COL5A2: variants seen among roughly 807,000 people sequenced by gnomAD.
The protein encoded by COL5A2 is collagen type V alpha 2 chain.
COL5A2 carries 23 observed loss-of-function variants against 208.2 expected under a neutral mutation model. The observed-to-expected ratio is 0.11, with a 90% CI of 0.08 to 0.16. COL5A2 has a LOEUF of 0.16. Ranked by LOEUF, COL5A2 falls within the 10% of genes least tolerant of loss-of-function variation. The probability of loss-of-function intolerance (pLI) is 1.00; values close to 1 mark genes in which losing one functional copy is unlikely to be tolerated. For missense variants in COL5A2, 1,590 were observed against 1,956.4 expected, an observed-to-expected ratio of 0.81 and a Z score of 3.53; for synonymous variants, 625 against 628.5, an observed-to-expected ratio of 0.99 and a Z score of 0.08.
At position 189,098,660 on chromosome 2, in the gene COL5A2, A is replaced by G. The variant is rs375298903; in HGVS notation, c.402+67T>C. 53 of 1,168,434 alleles carry G rather than the reference A, an allele frequency of 4.5e-5. 1 individual carries two copies. Among genetic ancestry groups the G allele is most frequent in the Non-Finnish European group, 6.3e-5 (49 of 775,282 alleles). 72.4% of individuals were successfully genotyped at this position (1,168,434 alleles called of 1,614,324 possible). ...TCTTTTATCTTCTCATGGATATAAT[A>G]TCTGTAAAGATTTTCAGTATCTCAA... On this transcript the variant is annotated intron_variant, in intron 5 of 53. Coordinates refer to ENST00000374866, the MANE Select transcript of COL5A2 (RefSeq NM_000393.5).
At chr2:189,290,403 A>G in the COL5A2 span, among the ~76,000 whole-genome samples, 3 of 152,238 alleles carry the variant, frequency 2.0e-5, no homozygotes. Flanking sequence ...CTGAAAGGAA[A>G]CCAAGAGTGT....
At chr2:189,077,202 G>A (rs1686425492) in intron 16 of COL5A2, among the ~76,000 whole-genome samples, 1 of 152,098 alleles carries the variant, frequency 6.6e-6, no homozygotes, top group Non-Finnish European at 1.5e-5. Flanking sequence ...CCTCTAATTT[G>A]GAAGACAACT....
chr2:189,036,600 A>T lies in COL5A2; in HGVS notation c.4113+16T>A. The T allele has an allele frequency of 6.3e-7, 1 of 1,588,804 alleles. No individual in the cohort carries two copies. Among genetic ancestry groups the T allele is most frequent in the Middle Eastern group, 1.7e-4 (1 of 5,906 alleles). On this transcript the variant is annotated intron_variant, in intron 52 of 53. Transcript: ENST00000374866. Reference sequence around the variant, plus strand: ...AAAAGTAAAGAATACAATTTTAAGTAAACATATTAAATTACCTGAGACCCT... The same window carrying T: ...AAAAGTAAAGAATACAATTTTAAGTTAACATATTAAATTACCTGAGACCCT...
At chr2:189,271,211 G>A in the COL5A2 span, among the ~76,000 whole-genome samples, 1 of 152,012 alleles carries the variant, frequency 6.6e-6, no homozygotes. Context: ...ACAATCCCAA[G>A]CAAAAAGAAC....
chr2:189,287,423 AG>A, the COL5A2 span, among the ~76,000 whole-genome samples: 3 of 151,940 alleles, frequency 2.0e-5, no homozygotes, highest in African/African-American at 7.2e-5. Context: ...GCGACTTGGA[AG>A]GTGGGGAGGT....
the COL5A2 span, among the ~76,000 whole-genome samples, chr2:189,360,862 A>G: frequency 6.6e-6 from 1 of 152,050 alleles, no homozygotes; most frequent in South Asian, 2.1e-4. Flanking sequence ...AAGTGAGAAC[A>G]TGCAGTGTTT....
chr2:189,132,308 G>A (rs1214209717), intron 1 of COL5A2, among the ~76,000 whole-genome samples: 2 of 152,134 alleles, frequency 1.3e-5, no homozygotes, highest in African/African-American at 4.8e-5. Flanking sequence ...AGAAAAAAGG[G>A]AACTTGTTTT....
At chr2:189,202,475 AG>A (rs1406393708) in intron 1 of COL5A2, among the ~76,000 whole-genome samples, 6 of 152,170 alleles carry the variant, frequency 3.9e-5, no homozygotes, top group African/African-American at 1.4e-4. Context: ...ACCTTGACTT[AG>A]TGAAGAAGCA....
intron 47 of COL5A2, among the ~76,000 whole-genome samples, chr2:189,044,490 C>T (rs1278321354): frequency 6.6e-6 from 1 of 152,048 alleles, no homozygotes; most frequent in Admixed American, 6.5e-5. Context: ...TCATAGAAAA[C>T]AAAATTACAA....
chr2:189,241,763 A>G, the COL5A2 span, among the ~76,000 whole-genome samples: 1 of 152,230 alleles, frequency 6.6e-6, no homozygotes, highest in Non-Finnish European at 1.5e-5. Flanking sequence ...ACTAAAGGTT[A>G]AGAAATAAAG....
chr2:189,286,412 T>G, the COL5A2 span, among the ~76,000 whole-genome samples: 1 of 152,194 alleles, frequency 6.6e-6, no homozygotes, highest in African/African-American at 2.4e-5. Context: ...AAGCAAGGGC[T>G]AGACAATTCT....
chr2:189,414,045 A>AC, the COL5A2 span, among the ~76,000 whole-genome samples: 1 of 151,896 alleles, frequency 6.6e-6, no homozygotes, highest in Non-Finnish European at 1.5e-5. Flanking sequence ...GGCCACCTCC[A>AC]CCACCCAAAC....
chr2:189,311,194 T>G, the COL5A2 span: 5 of 976,236 alleles, frequency 5.1e-6, no homozygotes, highest in Admixed American at 5.8e-5. Flanking sequence ...GCCAGACTAT[T>G]TTTTTTTCAC....
At chr2:189,400,426 C>A in the COL5A2 span, among the ~76,000 whole-genome samples, 4 of 152,128 alleles carry the variant, frequency 2.6e-5, no homozygotes, top group African/African-American at 9.7e-5. Context: ...TTTAGCCATA[C>A]CAAATATTCC....
chr2:189,315,578 C>T, the COL5A2 span, among the ~76,000 whole-genome samples: 1 of 152,026 alleles, frequency 6.6e-6, no homozygotes, highest in Non-Finnish European at 1.5e-5. Flanking sequence ...AAGTTCTGGC[C>T]AGGACAATTG....
At chr2:189,120,193 AAAC>A (rs1687472525) in intron 1 of COL5A2, among the ~76,000 whole-genome samples, 1 of 152,136 alleles carries the variant, frequency 6.6e-6, no homozygotes, top group African/African-American at 2.4e-5. Flanking sequence ...TCCTTGCCAA[AAAC>A]AACCAAAATA....
intron 52 of COL5A2, 80 bp from the exon 53 acceptor site, chr2:189,035,235 A>C (rs981712848): frequency 5.3e-5 from 82 of 1,551,906 alleles, no homozygotes; most frequent in Non-Finnish European, 6.9e-5. Context: ...TAAATATATA[A>C]ATTGATTTCA....
chr2:189,417,712 CTTAT>C, the COL5A2 span, among the ~76,000 whole-genome samples: 1 of 151,868 alleles, frequency 6.6e-6, no homozygotes, highest in Non-Finnish European at 1.5e-5. Flanking sequence ...CTTTGTCTGG[CTTAT>C]TTCATTTAAC....
chr2:189,081,375 A>G (rs979314493), intron 12 of COL5A2, among the ~76,000 whole-genome samples: 2 of 152,204 alleles, frequency 1.3e-5, no homozygotes, highest in African/African-American at 2.4e-5. Flanking sequence ...GCATGAATCA[A>G]TATGTCCAAC....
Sources: gnomAD v4.1 joint callset for allele counts (sites outside exome capture counted in the v4.1 genomes callset) on GRCh38, gnomAD v4.1.1 for gene constraint, MANE v1.5 for transcripts, NCBI Gene and HGNC (gene_info 2026-07-23, HGNC 2026-07-21) for gene names.